The following GRK2 variants were observed in gnomAD, a reference collection of about 807,000 sequenced individuals.
GRK2 encodes the protein adrenergic beta receptor kinase 1.
In GRK2, 23 loss-of-function variants were observed where a neutral mutation model predicts 97.8. The ratio of observed to expected loss-of-function variants is 0.24; its 90% confidence interval spans 0.17 to 0.33. GRK2 has a LOEUF of 0.33. Among genes scored for constraint, GRK2 ranks in the 10% least tolerant of loss-of-function variants. GRK2 has a pLI of 1.00. For synonymous variants in GRK2, 425 were observed against 381.7 expected, an observed-to-expected ratio of 1.11 and a Z score of -1.32; for missense variants, 633 against 956.9, an observed-to-expected ratio of 0.66 and a Z score of 4.47.
Position 67,281,694 on chromosome 11 carries a change from A to G in GRK2, c.792A>G (p.Pro264=). The change falls in exon 10 of 21, where the codon CCA becomes CCG. Residue 264 remains proline, a synonymous_variant. Coordinates refer to ENST00000308595, the MANE Select transcript of GRK2 (RefSeq NM_001619.5). The surrounding 1 kb of genome is among the most constrained non-coding windows in gnomAD (Gnocchi z 5.7). The part of the protein sequence containing the change: ...IVCMSYAFHT[P]DKLSFILDLM... ...GCATGTCATACGCGTTCCACACGCC[A>G]GACAAGCTCAGCTTCATCCTGGACC... is the stretch of plus-strand genomic sequence containing the variant. 1 of 1,576,532 alleles carries G rather than the reference A, an allele frequency of 6.3e-7. No individual in the cohort carries two copies. Among genetic ancestry groups the G allele is most frequent in the Middle Eastern group, 1.7e-4 (1 of 5,884 alleles).
At chr11:67,284,177 A>C (rs1590855715) in intron 17 of GRK2, 34 bp from the exon 18 acceptor site, 1 of 1,611,362 alleles carries the variant, frequency 6.2e-7, no homozygotes, top group South Asian at 1.1e-5. Context: ...ATCTCTGTCC[A>C]CCCATGTGCC....
At chr11:67,274,076 G>A (rs932052469) in intron 1 of GRK2, among the ~76,000 whole-genome samples, 1 of 147,548 alleles carries the variant, frequency 6.8e-6, no homozygotes, top group African/African-American at 2.5e-5. Flanking sequence ...GCAGTGGCAC[G>A]ATTTTGGCTC....
At chr11:67,268,839 A>G (rs61758509) in intron 1 of GRK2, among the ~76,000 whole-genome samples, 119 of 152,356 alleles carry the variant, frequency 7.8e-4, no homozygotes, top group Non-Finnish European at 1.3e-3. Context: ...TGGCAAGGCC[A>G]TGCCTTGCAT....
Position 67,283,880 on chromosome 11 carries a change from A to C in GRK2, c.1422A>C (p.Arg474=), listed in dbSNP as rs1215212650. The C allele has an allele frequency of 1.2e-6, 2 of 1,613,046 alleles. No individual in the cohort carries two copies. The highest frequency in any genetic ancestry group is 2.2e-5 in the South Asian group (2 of 91,060). Reference sequence around the variant, plus strand: ...ACCCTCCCCCGCTGATCCCCCCACGAGGGGAGGTGAACGCGGCCGACGCCT... The same window carrying C: ...ACCCTCCCCCGCTGATCCCCCCACGCGGGGAGGTGAACGCGGCCGACGCCT... The part of the protein sequence containing the change: ...QKYPPPLIPP[R]GEVNAADAFD... Residue 474 remains arginine, a synonymous_variant, in exon 17 of 21, where the codon CGA becomes CGC. Transcript: ENST00000308595.
At position 67,282,827 on chromosome 11, in the gene GRK2, A is replaced by C. The variant is rs751546410; in HGVS notation, c.1227+9A>C. Reference sequence around the variant, plus strand: ...GCATGACGCTGACGATGGTGGGTGCAGGTCTCAGTGCAGGGCCGCAGGGGG... The same window carrying C: ...GCATGACGCTGACGATGGTGGGTGCCGGTCTCAGTGCAGGGCCGCAGGGGG... On this transcript the variant is annotated intron_variant, in intron 14 of 20. Transcript: ENST00000308595. This position sits in a 1 kb window ranked among gnomAD's most constrained non-coding sequence, Gnocchi z 6.9. 1 of 1,605,750 alleles carries C rather than the reference A, an allele frequency of 6.2e-7. No homozygotes were observed. The highest frequency in any genetic ancestry group is 8.5e-7 in the Non-Finnish European group (1 of 1,178,830).
chr11:67,281,233 TGG>T lies in GRK2; in HGVS notation c.647+53_647+54del. On this transcript the variant is annotated intron_variant, in intron 8 of 20. Coordinates refer to ENST00000308595, the MANE Select transcript of GRK2 (RefSeq NM_001619.5). This position sits in a 1 kb window ranked among gnomAD's most constrained non-coding sequence, Gnocchi z 5.7. ...GGGATACCTCGGGGAGCCGGGCTCC[TGG>T]GGGACCCTGACAGGCCGGGTTCCAC... 6.5e-7 allele frequency: 1 copy of T among 1,532,264 alleles called. No homozygotes were observed. Among genetic ancestry groups the T allele is most frequent in the Non-Finnish European group, 9.0e-7 (1 of 1,114,542 alleles). The allele number at this position is 1,532,264 out of a possible 1,614,324, so 94.9% of individuals were successfully genotyped here.
intron 19 of GRK2, 39 bp downstream of exon 19, chr11:67,285,022 G>A (rs368380840): frequency 8.7e-6 from 14 of 1,611,980 alleles, no homozygotes; most frequent in South Asian, 5.5e-5. Flanking sequence ...CCGGGCTTCC[G>A]GGTGGCTGGC....
intron 18 of GRK2, 150 bp from the exon 19 acceptor site, chr11:67,284,697 G>T: frequency 4.6e-6 from 5 of 1,078,314 alleles, no homozygotes; most frequent in Non-Finnish European, 6.5e-6. Context: ...GCTGAGGCGG[G>T]AGGATCGTTT....
chr11:67,281,568 G>A lies in GRK2; in HGVS notation c.747+10G>A, dbSNP rs766767718. The A allele has an allele frequency of 6.8e-6, 11 of 1,613,026 alleles. No individual in the cohort carries two copies. The highest frequency in any genetic ancestry group is 1.3e-5 in the African/African-American group (1 of 74,936). On this transcript the variant is annotated intron_variant, in intron 9 of 20. Coordinates refer to ENST00000308595, the MANE Select transcript of GRK2 (RefSeq NM_001619.5). The surrounding 1 kb of genome is among the most constrained non-coding windows in gnomAD (Gnocchi z 5.7). ...GCTCGTCAGCACTGGGGTGAGCTGG[G>A]TGGGCCGGGCTGCCGCTGAGGCTCT...
At chr11:67,272,967 C>T (rs1859942926) in intron 1 of GRK2, among the ~76,000 whole-genome samples, 1 of 152,228 alleles carries the variant, frequency 6.6e-6, no homozygotes, top group African/African-American at 2.4e-5. Flanking sequence ...TGTCGGTGAG[C>T]CGTGGGGCAC....
At chr11:67,272,548 C>T (rs1393654707) in intron 1 of GRK2, among the ~76,000 whole-genome samples, 1 of 152,186 alleles carries the variant, frequency 6.6e-6, no homozygotes, top group Non-Finnish European at 1.5e-5. Flanking sequence ...ACCGGAAGTG[C>T]TCCCTCAGCA....
In GRK2 at chr11:67,276,044, G is replaced by T. The variant is rs1311766789; in HGVS notation, c.114-1228G>T. ...GCTCCTAGGGGCAGGCAGGGCCGGG[G>T]TGCAGAAAGGCAGGGGCCATGGCAA... On this transcript the variant is annotated intron_variant, in intron 1 of 20. Coordinates refer to ENST00000308595, the MANE Select transcript of GRK2 (RefSeq NM_001619.5). This position sits in a 1 kb window ranked among gnomAD's most constrained non-coding sequence, Gnocchi z 4.2. Among the ~76,000 whole-genome samples the T allele has an allele frequency of 2.0e-5, 3 of 152,240 alleles. No individual in the cohort carries two copies. Among genetic ancestry groups the T allele is most frequent in the Non-Finnish European group, 4.4e-5 (3 of 68,042 alleles).
chr11:67,281,192 C>T lies in GRK2; in HGVS notation c.647+8C>T. On this transcript the variant is annotated splice_region_variant and intron_variant, in intron 8 of 20. Coordinates refer to ENST00000308595, the MANE Select transcript of GRK2 (RefSeq NM_001619.5). This position sits in a 1 kb window ranked among gnomAD's most constrained non-coding sequence, Gnocchi z 5.7. ...GGCTGACACAGGCAAGATGTGAGCA[C>T]CCTGCTCGGCGCGGTGGGATACCTC... is the stretch of plus-strand genomic sequence containing the variant. 2 of 1,609,984 alleles carry T rather than the reference C, an allele frequency of 1.2e-6. No individual in the cohort carries two copies. Among genetic ancestry groups the T allele is most frequent in the Non-Finnish European group, 1.7e-6 (2 of 1,177,692 alleles).
intron 7 of GRK2, 139 bp from the exon 8 acceptor site, chr11:67,280,954 C>A: frequency 9.1e-7 from 1 of 1,096,194 alleles, no homozygotes; most frequent in Non-Finnish European, 1.4e-6. Context: ...GAGGCCGGAG[C>A]AGGTAAATAT....
intron 15 of GRK2, chr11:67,283,492 T>C (rs1025902567): frequency 2.8e-5 from 17 of 612,966 alleles, no homozygotes; most frequent in Middle Eastern, 4.3e-4. Context: ...TATCAAACAT[T>C]TATTAAGCAC....
In GRK2 at chr11:67,286,021, C is replaced by T. The variant is rs1338489261; in HGVS notation, c.*571C>T. On this transcript the variant is annotated 3_prime_UTR_variant, in exon 21 of 21. Transcript: ENST00000308595. Reference sequence around the variant, plus strand: ...CTCTGTGTCACTGGCTGCCTCCACTCCCACTTCCCTGACACTGCGGGGCTT... The same window carrying T: ...CTCTGTGTCACTGGCTGCCTCCACTTCCACTTCCCTGACACTGCGGGGCTT... The T allele has an allele frequency of 3.5e-6, 1 of 286,258 alleles. No homozygotes were observed. The highest frequency in any genetic ancestry group is 9.9e-5 in the East Asian group (1 of 10,086). 17.7% of individuals were successfully genotyped at this position (286,258 alleles called of 1,614,324 possible).
chr11:67,277,171 G>A lies in GRK2; in HGVS notation c.114-101G>A, dbSNP rs1860048668. 9 of 1,110,088 alleles carry A rather than the reference G, an allele frequency of 8.1e-6. No individual in the cohort carries two copies. In the East Asian group the frequency reaches 2.2e-4, roughly 27 times the overall value. The allele number at this position is 1,110,088 out of a possible 1,614,324, so 68.8% of individuals were successfully genotyped here. A position where few individuals can be genotyped will look rare whatever the true frequency, so the allele number is the denominator to read the frequency against. On this transcript the variant is annotated intron_variant, in intron 1 of 20. Coordinates refer to ENST00000308595, the MANE Select transcript of GRK2 (RefSeq NM_001619.5). The stretch of plus-strand genomic sequence containing the variant: ...TGACGGGCTGGCCTCCTTCCTGGAG[G>A]GAGTGGCGACACCACCACAGTGCCC...
chr11:67,273,406 A>G (rs1037346376), intron 1 of GRK2, among the ~76,000 whole-genome samples: 1 of 152,320 alleles, frequency 6.6e-6, no homozygotes, highest in African/African-American at 2.4e-5. Context: ...CTCTGGGCTC[A>G]CTGCCACTCC....
rs1224558827 is a variant in GRK2, at chr11:67,283,876, C to T, written c.1418C>T (p.Pro473Leu). 1.2e-6 allele frequency: 2 copies of T among 1,613,056 alleles called. No individual in the cohort carries two copies. The highest frequency in any genetic ancestry group is 1.7e-6 in the Non-Finnish European group (2 of 1,179,830). ...LQKYPPPLIPPRGEVNAADAF... is the reference protein window; with the variant it reads ...LQKYPPPLIPLRGEVNAADAF... Reference sequence around the variant, plus strand: ...CAGTACCCTCCCCCGCTGATCCCCCCACGAGGGGAGGTGAACGCGGCCGAC... The same window carrying T: ...CAGTACCCTCCCCCGCTGATCCCCCTACGAGGGGAGGTGAACGCGGCCGAC... Residue 473 changes from proline (P) to leucine (L), a missense_variant, in exon 17 of 21, where the codon CCA becomes CTA. Physicochemically the swap from Pro to Leu is moderately conservative, Grantham distance 98. Around this residue, in one of 4 missense-constraint regions of GRK2, gnomAD observed 180 missense variants for 311.3 expected, o/e 0.58. Transcript: ENST00000308595.
Sources: gnomAD v4.1 joint callset for allele counts (sites outside exome capture counted in the v4.1 genomes callset) on GRCh38, gnomAD v4.1.1 for gene constraint, gnomAD v4.1.1 regional missense constraint, Gnocchi (gnomAD v3.1) non-coding constraint, MANE v1.5 for transcripts, NCBI Gene and HGNC (gene_info 2026-07-23, HGNC 2026-07-21) for gene names.